Variants in TMTC1 observed in about 807,000 individuals in gnomAD.
TMTC1 encodes the protein protein O-mannosyl-transferase TMTC1.
TMTC1 carries 73 observed loss-of-function variants against 104.8 expected under a neutral mutation model. The observed-to-expected ratio is 0.70, with a 90% confidence interval of 0.58 to 0.85. TMTC1 has a LOEUF of 0.85. Ranked by LOEUF, TMTC1 falls within the 40% of genes least tolerant of loss-of-function variation. The pLI, the probability that TMTC1 is intolerant of heterozygous loss-of-function variation, is 0.00. For synonymous variants in TMTC1, 434 were observed against 428.7 expected, an observed-to-expected ratio of 1.01 and a Z score of -0.15; for missense variants, 1,035 against 1,096.1, an observed-to-expected ratio of 0.94 and a Z score of 0.79.
At chr12:29,520,519 C>T in intron 12 of TMTC1, 99 bp downstream of exon 12, 1 of 1,002,022 alleles carries the variant, frequency 1.0e-6, no homozygotes, top group Non-Finnish European at 1.5e-6. Context: ...CCTGCCAAGC[C>T]CAGTGAATTT....
intron 10 of TMTC1, among the ~76,000 whole-genome samples, chr12:29,541,529 T>C (rs1214971087): frequency 6.6e-6 from 1 of 152,194 alleles, no homozygotes; most frequent in Non-Finnish European, 1.5e-5. Context: ...AAGGAGAATG[T>C]GCCATTTTTG....
chr12:29,573,776 T>C (rs1452162219), intron 8 of TMTC1, among the ~76,000 whole-genome samples: 1 of 151,996 alleles, frequency 6.6e-6, no homozygotes, highest in Non-Finnish European at 1.5e-5. Context: ...TCATGCTAAG[T>C]CTTAGCGTGG....
At chr12:29,552,936 T>C (rs1036639705) in intron 10 of TMTC1, among the ~76,000 whole-genome samples, 1 of 152,208 alleles carries the variant, frequency 6.6e-6, no homozygotes, top group Non-Finnish European at 1.5e-5. Flanking sequence ...CCCATTGCTA[T>C]GGCTCAGAAA....
chr12:29,692,373 C>T (rs572122329), intron 5 of TMTC1, among the ~76,000 whole-genome samples: 1 of 142,156 alleles, frequency 7.0e-6, no homozygotes, highest in Admixed American at 7.2e-5. Context: ...GCTCTGAGGG[C>T]CAACGAAATG....
intron 7 of TMTC1, among the ~76,000 whole-genome samples, chr12:29,599,566 C>A (rs1244573529): frequency 6.6e-6 from 1 of 152,196 alleles, no homozygotes; most frequent in East Asian, 1.9e-4. Context: ...TGAGAGAGCA[C>A]TGTTGGTCTG....
intron 5 of TMTC1, among the ~76,000 whole-genome samples, chr12:29,653,382 G>T (rs1939611756): frequency 6.6e-6 from 1 of 152,152 alleles, no homozygotes; most frequent in South Asian, 2.1e-4. Context: ...CACAGCACGA[G>T]GGGACTACTT....
intron 8 of TMTC1, among the ~76,000 whole-genome samples, chr12:29,582,667 A>G (rs1272893887): frequency 6.6e-6 from 1 of 152,114 alleles, no homozygotes; most frequent in African/African-American, 2.4e-5. Flanking sequence ...CTTAAGTGAT[A>G]TTAGCTCTGC....
Position 29,505,524 on chromosome 12 carries a change from T to G in TMTC1, c.*1322A>C, listed in dbSNP as rs866400060. The G allele has an allele frequency of 3.3e-5, 5 of 152,288 alleles. No individual in the cohort carries two copies. The highest frequency in any genetic ancestry group is 1.3e-4 in the Admixed American group (2 of 15,298). The allele number at this position is 152,288 out of a possible 1,614,324, so 9.4% of individuals were successfully genotyped here. On this transcript the variant is annotated 3_prime_UTR_variant, in exon 18 of 18. Coordinates refer to ENST00000539277, the MANE Select transcript of TMTC1 (RefSeq NM_001193451.2). ...AACTTAACTATTTTACAATTTAGAT[T>G]TACATTTTATAAGATCAGTTTTGAA...
At chr12:29,580,381 T>G (rs1420782031) in intron 8 of TMTC1, among the ~76,000 whole-genome samples, 2 of 152,120 alleles carry the variant, frequency 1.3e-5, no homozygotes, top group East Asian at 3.8e-4. Flanking sequence ...CATCTGTATC[T>G]CCTAAAAATA....
At chr12:29,576,199 C>T (rs992426960) in intron 8 of TMTC1, among the ~76,000 whole-genome samples, 9 of 152,192 alleles carry the variant, frequency 5.9e-5, no homozygotes, top group African/African-American at 2.2e-4. Flanking sequence ...AATCCACAGG[C>T]TGTCTTTTCA....
At chr12:29,557,036 A>G (rs762772901) in intron 9 of TMTC1, 36 bp from the exon 10 acceptor site, 31 of 1,608,034 alleles carry the variant, frequency 1.9e-5, no homozygotes, top group Admixed American at 1.0e-4. Context: ...TGATGGTTCA[A>G]AAACTTCTAA....
chr12:29,772,110 T>G (rs1943607433), intron 1 of TMTC1, among the ~76,000 whole-genome samples: 1 of 152,230 alleles, frequency 6.6e-6, no homozygotes, highest in Non-Finnish European at 1.5e-5. Flanking sequence ...AGGTTTAGCC[T>G]GCAGGTTGTT....
intron 1 of TMTC1, among the ~76,000 whole-genome samples, chr12:29,781,405 C>T (rs766359861): frequency 5.9e-5 from 9 of 152,186 alleles, no homozygotes; most frequent in Admixed American, 5.9e-4. Context: ...CTCCTGAATC[C>T]CCCAACTCTC....
intron 8 of TMTC1, among the ~76,000 whole-genome samples, chr12:29,579,674 T>G (rs919744396): frequency 5.3e-5 from 8 of 152,168 alleles, no homozygotes; most frequent in African/African-American, 1.7e-4. Context: ...ATTATGCTAT[T>G]ATGGTATTTA....
intron 5 of TMTC1, among the ~76,000 whole-genome samples, chr12:29,741,656 A>G (rs1287894814): frequency 1.3e-5 from 2 of 152,258 alleles, no homozygotes; most frequent in East Asian, 3.8e-4. Flanking sequence ...TCTCTAAAAA[A>G]GAAAACACAT....
chr12:29,655,882 C>T (rs992390148), intron 5 of TMTC1, among the ~76,000 whole-genome samples: 6 of 152,098 alleles, frequency 3.9e-5, no homozygotes, highest in Non-Finnish European at 7.3e-5. Flanking sequence ...AAAACTCTCA[C>T]CCGATAATAA....
chr12:29,670,976 A>G (rs1273540969), intron 5 of TMTC1, among the ~76,000 whole-genome samples: 2 of 60,218 alleles, frequency 3.3e-5, no homozygotes, highest in Non-Finnish European at 6.8e-5. Flanking sequence ...GGATACCAAG[A>G]TATACCTGAT....
At chr12:29,728,739 C>CT (rs755687085) in intron 5 of TMTC1, among the ~76,000 whole-genome samples, 1 of 151,836 alleles carries the variant, frequency 6.6e-6, no homozygotes, top group Non-Finnish European at 1.5e-5. Context: ...TGGCTTACGC[C>CT]TGTAATCTCA....
In TMTC1 at chr12:29,571,848, C is replaced by T. The variant is rs2136299340; in HGVS notation, c.1532+257G>A. ...GCACGTATATATTGAACTGTCAGTT[C>T]ATCGTGTAATGTATAGCAATGAAAA... On this transcript the variant is annotated intron_variant, in intron 9 of 17. Transcript: ENST00000539277. 1.3e-5 allele frequency among the ~76,000 whole-genome samples: 2 copies of T among 152,290 alleles called. 1 individual carries two copies. The highest frequency in any genetic ancestry group is 4.1e-4 in the South Asian group (2 of 4,828).
Sources: gnomAD v4.1 joint callset for allele counts (sites outside exome capture counted in the v4.1 genomes callset) on GRCh38, gnomAD v4.1.1 for gene constraint, MANE v1.5 for transcripts, NCBI Gene and HGNC (gene_info 2026-07-23, HGNC 2026-07-21) for gene names.